NFKB1: variants seen among roughly 807,000 people sequenced by gnomAD.
NFKB1 encodes nuclear factor kappa B subunit 1.
In NFKB1, 9 loss-of-function variants were observed where a neutral mutation model predicts 105.1. That is an observed-to-expected ratio of 0.09 (90% confidence interval 0.05 to 0.15). The LOEUF is 0.15. Ranked by LOEUF, NFKB1 falls within the 10% of genes least tolerant of loss-of-function variation. The probability of loss-of-function intolerance (pLI) is 1.00; values close to 1 mark genes in which losing one functional copy is unlikely to be tolerated. For synonymous variants in NFKB1, 440 were observed against 442.2 expected, an observed-to-expected ratio of 1.00 and a Z score of 0.06; for missense variants, 830 against 1,203.7, an observed-to-expected ratio of 0.69 and a Z score of 4.59.
intron 5 of NFKB1, among the ~76,000 whole-genome samples, chr4:102,554,150 G>A (rs1290614089): frequency 6.6e-6 from 1 of 152,078 alleles, no homozygotes; most frequent in Non-Finnish European, 1.5e-5. Flanking sequence ...TGCAAATGAA[G>A]AATTAAAAGG....
At chr4:102,561,297 G>GCA (rs1723425187) in intron 5 of NFKB1, among the ~76,000 whole-genome samples, 3 of 72,092 alleles carry the variant, frequency 4.2e-5, no homozygotes, top group South Asian at 5.4e-4. Context: ...GTGTGTGTGT[G>GCA]CCTGATAATC....
rs371105233 is a variant in NFKB1, at chr4:102,526,851, G to A, written c.39+1294G>A. Among the ~76,000 whole-genome samples, 20 of 152,148 alleles carry A rather than the reference G, an allele frequency of 1.3e-4. No individual in the cohort carries two copies. The South Asian group carries it at 3.3e-3, about 25-fold the overall frequency. ...AATGTTGGAAAAAATAAATAGAAAT[G>A]TTGGAATAATCTAACAAATCTACAT... is the stretch of plus-strand genomic sequence containing the variant. On this transcript the variant is annotated intron_variant, in intron 2 of 23. Coordinates refer to ENST00000226574, the MANE Select transcript of NFKB1 (RefSeq NM_003998.4).
At chr4:102,612,159 T>C in intron 21 of NFKB1, 49 bp downstream of exon 21, 1 of 1,516,226 alleles carries the variant, frequency 6.6e-7, no homozygotes, top group East Asian at 2.3e-5. Flanking sequence ...ATCTCCACAC[T>C]GTCATTTAAA....
intron 5 of NFKB1, among the ~76,000 whole-genome samples, chr4:102,542,523 C>G (rs1335568087): frequency 1.3e-5 from 2 of 152,062 alleles, no homozygotes; most frequent in Non-Finnish European, 2.9e-5. Flanking sequence ...TCTGTCCTCT[C>G]TCTCTCTCAA....
chr4:102,532,747 T>C (rs1741381738), intron 3 of NFKB1, among the ~76,000 whole-genome samples: 1 of 152,222 alleles, frequency 6.6e-6, no homozygotes, highest in South Asian at 2.1e-4. Flanking sequence ...TGAGCTTCTT[T>C]CTGAGAGAAA....
At position 102,613,564 on chromosome 4, in the gene NFKB1, C is replaced by A; in HGVS notation, c.2732C>A (p.Ser911Tyr). Residue 911 changes from serine to tyrosine, a missense_variant, in exon 23 of 24, where the codon TCC becomes TAC. Ser to Tyr is a moderately radical substitution (Grantham distance 144). Coordinates refer to ENST00000226574, the MANE Select transcript of NFKB1 (RefSeq NM_003998.4). ...QAHSLPLSPA[S>Y]TRQQIDELRD... ...CACTCGCTGCCTCTCTCGCCTGCCT[C>A]CACAAGGCAGCAAATAGGTAAAAAA... The A allele has an allele frequency of 6.2e-7, 1 of 1,613,116 alleles. No individual in the cohort carries two copies. The highest frequency in any genetic ancestry group is 1.1e-5 in the South Asian group (1 of 91,004).
intron 1 of NFKB1, among the ~76,000 whole-genome samples, chr4:102,517,345 T>C (rs1378721577): frequency 1.3e-5 from 2 of 152,166 alleles, no homozygotes; most frequent in Non-Finnish European, 2.9e-5. Flanking sequence ...GGTTTCACAG[T>C]TGAGTATAGC....
chr4:102,603,192 C>T (rs1040574308), intron 16 of NFKB1, among the ~76,000 whole-genome samples: 1 of 152,028 alleles, frequency 6.6e-6, no homozygotes, highest in East Asian at 1.9e-4. Context: ...TCTGCCTCAG[C>T]CTCCTGAGTA....
chr4:102,600,294 G>A (rs1578815467), intron 15 of NFKB1, among the ~76,000 whole-genome samples: 3 of 152,262 alleles, frequency 2.0e-5, no homozygotes, highest in Non-Finnish European at 2.9e-5. Context: ...CAGGAGTGGT[G>A]GGAAATACAA....
At position 102,613,330 on chromosome 4, in the gene NFKB1, C is replaced by T. The variant is rs371070641; in HGVS notation, c.2593-95C>T. 2.1e-5 allele frequency: 27 copies of T among 1,294,442 alleles called. No individual in the cohort carries two copies. The African/African-American group carries it at 2.5e-4, about 12-fold the overall frequency. The allele number at this position is 1,294,442 out of a possible 1,614,324, so 80.2% of individuals were successfully genotyped here. ...CCTCCTGGCTCCTGAGTGGAGGAGGCAGCATGGAAGAGGGAAGGGTGGGCT... is the reference window on the plus strand; with the variant it reads ...CCTCCTGGCTCCTGAGTGGAGGAGGTAGCATGGAAGAGGGAAGGGTGGGCT... On this transcript the variant is annotated intron_variant, in intron 22 of 23. Coordinates refer to ENST00000226574, the MANE Select transcript of NFKB1 (RefSeq NM_003998.4).
intron 5 of NFKB1, among the ~76,000 whole-genome samples, chr4:102,555,145 G>C (rs1258334719): frequency 6.6e-6 from 1 of 152,052 alleles, no homozygotes; most frequent in Non-Finnish European, 1.5e-5. Context: ...AACTCCTCAG[G>C]GATCCCTCAG....
intron 1 of NFKB1, among the ~76,000 whole-genome samples, chr4:102,508,864 T>A (rs374022915): frequency 1.3e-5 from 2 of 152,230 alleles, no homozygotes; most frequent in East Asian, 3.9e-4. Context: ...ATCTAGAAAG[T>A]GAATGAGAAT....
chr4:102,544,001 G>A (rs1433343850), intron 5 of NFKB1, among the ~76,000 whole-genome samples: 1 of 152,050 alleles, frequency 6.6e-6, no homozygotes, highest in Non-Finnish European at 1.5e-5. Flanking sequence ...TGTAAACCAT[G>A]AGAAAAGCTG....
intron 5 of NFKB1, among the ~76,000 whole-genome samples, chr4:102,545,459 C>T (rs1270947479): frequency 3.9e-5 from 6 of 152,086 alleles, no homozygotes; most frequent in Non-Finnish European, 8.8e-5. Flanking sequence ...GTTCTGTGAT[C>T]CGCATTTTAT....
At chr4:102,565,336 G>A (rs576429036) in intron 5 of NFKB1, among the ~76,000 whole-genome samples, 1 of 152,228 alleles carries the variant, frequency 6.6e-6, no homozygotes, top group Admixed American at 6.5e-5. Context: ...GCCTTGAGGT[G>A]GAGCTGCACA....
At chr4:102,561,062 A>G (rs879767216) in intron 5 of NFKB1, among the ~76,000 whole-genome samples, 4 of 152,198 alleles carry the variant, frequency 2.6e-5, no homozygotes, top group Non-Finnish European at 5.9e-5. Flanking sequence ...TGACAGAGAA[A>G]GAAGAGACTA....
chr4:102,582,969 A>G lies in NFKB1; in HGVS notation c.927+12A>G, dbSNP rs1199391498. 5.9e-6 allele frequency: 9 copies of G among 1,522,384 alleles called. No individual in the cohort carries two copies. Among genetic ancestry groups the G allele is most frequent in the Middle Eastern group, 1.7e-4 (1 of 5,882 alleles). 94.3% of individuals were successfully genotyped at this position (1,522,384 alleles called of 1,614,324 possible). On this transcript the variant is annotated intron_variant, in intron 10 of 23. Transcript: ENST00000226574. ...ATGTTCATAGACAAGTAAGTGATTTATTATTATTATTAATCCTTATTATTT... is the reference window on the plus strand; with the variant it reads ...ATGTTCATAGACAAGTAAGTGATTTGTTATTATTATTAATCCTTATTATTT...
At chr4:102,589,203 A>G (rs1560700075) in intron 11 of NFKB1, among the ~76,000 whole-genome samples, 1 of 152,238 alleles carries the variant, frequency 6.6e-6, no homozygotes, top group Non-Finnish European at 1.5e-5. Context: ...AAATGAATAC[A>G]TAGAAAATAC....
intron 12 of NFKB1, among the ~76,000 whole-genome samples, 160 bp from the exon 13 acceptor site, chr4:102,594,732 C>T (rs143858384): frequency 6.6e-6 from 1 of 152,278 alleles, no homozygotes; most frequent in East Asian, 1.9e-4. Context: ...GTCCCATGAC[C>T]CCCACCATGT....
Sources: allele counts gnomAD v4.1 joint callset (sites outside exome capture counted in the v4.1 genomes callset), GRCh38; gene constraint gnomAD v4.1.1; transcripts MANE v1.5; gene names NCBI Gene and HGNC (gene_info 2026-07-23, HGNC 2026-07-21).